Variants in PPP1R21 observed in about 807,000 individuals in gnomAD.
PPP1R21 encodes protein phosphatase 1 regulatory subunit 21, also known as KLRAQ motif containing 1.
PPP1R21 carries 85 observed loss-of-function variants against 112.8 expected under a neutral mutation model. The observed-to-expected ratio is 0.75, with a 90% confidence interval of 0.63 to 0.90. The LOEUF (loss-of-function observed/expected upper bound fraction) is 0.90. PPP1R21 is among the 40% of genes least tolerant of loss of function. The pLI is 0.00. For missense variants in PPP1R21, 1,199 were observed against 901.5 expected (o/e 1.33, Z -4.23); for synonymous variants, 381 against 322.3 (o/e 1.18, Z -1.95).
At chr2:48,471,574 A>G (rs2103851599) in intron 11 of PPP1R21, 1 of 516,768 alleles carries the variant, frequency 1.9e-6, no homozygotes, top group Non-Finnish European at 3.4e-6. Flanking sequence ...TGTCAGTTAC[A>G]GATTTTCAGT....
intron 14 of PPP1R21, 136 bp downstream of exon 14, chr2:48,486,894 C>A: frequency 1.1e-6 from 1 of 874,006 alleles, no homozygotes; most frequent in East Asian, 2.6e-5. Flanking sequence ...TCTCTCTTTC[C>A]TCTGCTTCCT....
Position 48,441,027 on chromosome 2 carries a change from G to C in PPP1R21, c.57+17G>C. 6.4e-7 allele frequency: 1 copy of C among 1,573,832 alleles called. No homozygotes were observed. The highest frequency in any genetic ancestry group is 1.7e-4 in the Middle Eastern group (1 of 5,972). ...TACTCGAAGGTACCCATCGTGGTCT[G>C]GGAGTAGGGGGTCCCCCGCCCTGCG... On this transcript the variant is annotated intron_variant, in intron 1 of 21. Transcript: ENST00000294952.
In PPP1R21 at chr2:48,514,859, A is replaced by C; in HGVS notation, c.*115A>C. ...CTTCAGGAAGCTAAAGTATTGTTGG[A>C]CCTAGTAAACTAGTCAGTGTTGGAA... On this transcript the variant is annotated 3_prime_UTR_variant, in exon 22 of 22. Transcript: ENST00000294952. 8 of 953,392 alleles carry C rather than the reference A, an allele frequency of 8.4e-6. No individual in the cohort carries two copies. The highest frequency in any genetic ancestry group is 1.1e-5 in the Non-Finnish European group (7 of 609,006). The allele number at this position is 953,392 out of a possible 1,614,324, so 59.1% of individuals were successfully genotyped here. A position where few individuals can be genotyped will look rare whatever the true frequency, so the allele number is the denominator to read the frequency against.
intron 13 of PPP1R21, among the ~76,000 whole-genome samples, chr2:48,483,324 G>A (rs1669120230): frequency 6.8e-6 from 1 of 146,762 alleles, no homozygotes; most frequent in African/African-American, 2.5e-5. Flanking sequence ...TGGGACTACA[G>A]GTGTGCGTCA....
chr2:48,441,222 G>A, intron 1 of PPP1R21: 1 of 596,502 alleles, frequency 1.7e-6, no homozygotes, highest in South Asian at 2.0e-5. Context: ...GAGCGTTTTT[G>A]CAGGGAGAAG....
chr2:48,507,647 G>C (rs1325071461), intron 19 of PPP1R21, among the ~76,000 whole-genome samples: 1 of 149,732 alleles, frequency 6.7e-6, no homozygotes, highest in South Asian at 2.1e-4. Context: ...GATTACAGGT[G>C]TGAGCCACCT....
Position 48,440,795 on chromosome 2 carries a change from G to A in PPP1R21, c.-159G>A. 1.6e-6 allele frequency: 1 copy of A among 634,130 alleles called. No homozygotes were observed. Among genetic ancestry groups the A allele is most frequent in the Non-Finnish European group, 2.8e-6 (1 of 355,730 alleles). The allele number at this position is 634,130 out of a possible 1,614,324, so 39.3% of individuals were successfully genotyped here. A position where few individuals can be genotyped will look rare whatever the true frequency, so the allele number is the denominator to read the frequency against. On this transcript the variant is annotated 5_prime_UTR_variant, in exon 1 of 22. Coordinates refer to ENST00000294952, the MANE Select transcript of PPP1R21 (RefSeq NM_001135629.3). The stretch of plus-strand genomic sequence containing the variant: ...CACCTTCCTCCCACCCCGGGAACCC[G>A]GAAGTGGAGGAGGAGGCGCGGCGGC...
intron 1 of PPP1R21, 92 bp from the exon 2 acceptor site, chr2:48,450,916 C>T: frequency 2.1e-6 from 2 of 972,120 alleles, no homozygotes; most frequent in South Asian, 1.4e-5. Context: ...CTTAGTTACT[C>T]AGTGTAATGA....
chr2:48,464,722 GT>G (rs894138698), intron 7 of PPP1R21, among the ~76,000 whole-genome samples: 2 of 151,778 alleles, frequency 1.3e-5, no homozygotes, highest in Non-Finnish European at 2.9e-5. Context: ...ATTTGTTTGG[GT>G]TTTTTTTAAG....
At chr2:48,441,282 A>G in intron 1 of PPP1R21, 1 of 525,954 alleles carries the variant, frequency 1.9e-6, no homozygotes, top group Non-Finnish European at 3.5e-6. Flanking sequence ...TGGGACTGGG[A>G]TGTCAGAAAT....
intron 17 of PPP1R21, among the ~76,000 whole-genome samples, chr2:48,504,772 C>T (rs888083070): frequency 2.0e-5 from 3 of 152,162 alleles, no homozygotes; most frequent in African/African-American, 2.4e-5. Flanking sequence ...GAACAATAAC[C>T]AGAATTCAGA....
chr2:48,455,980 G>A (rs576669789), intron 3 of PPP1R21, among the ~76,000 whole-genome samples: 2 of 145,294 alleles, frequency 1.4e-5, no homozygotes, highest in African/African-American at 2.6e-5. Context: ...AGGCCACTGC[G>A]CTCCGACCTG....
intron 15 of PPP1R21, among the ~76,000 whole-genome samples, chr2:48,494,051 G>A (rs1327367627): frequency 1.9e-5 from 2 of 103,136 alleles, no homozygotes; most frequent in Admixed American, 1.2e-4. Context: ...GGGAGACCTC[G>A]TCTCTCCAAA....
rs954544105 is a variant in PPP1R21, at chr2:48,498,363, G to T, written c.1693-130G>T. The T allele has an allele frequency of 1.0e-5, 8 of 800,240 alleles. No homozygotes were observed. In the African/African-American group the frequency reaches 1.4e-4, roughly 14 times the overall value. The allele number at this position is 800,240 out of a possible 1,614,324, so 49.6% of individuals were successfully genotyped here. A position where few individuals can be genotyped will look rare whatever the true frequency, so the allele number is the denominator to read the frequency against. On this transcript the variant is annotated intron_variant, in intron 16 of 21. Transcript: ENST00000294952. Reference sequence around the variant, plus strand: ...GTCTAATAAATCTCTTCCTATTCGAGGGTCAAACTTTATTATTATATTTTT... The same window carrying T: ...GTCTAATAAATCTCTTCCTATTCGATGGTCAAACTTTATTATTATATTTTT...
chr2:48,446,489 G>A (rs970381076), intron 1 of PPP1R21, among the ~76,000 whole-genome samples: 1 of 152,024 alleles, frequency 6.6e-6, no homozygotes, highest in Non-Finnish European at 1.5e-5. Flanking sequence ...CAAATTATTT[G>A]GAGAGTCTTA....
chr2:48,482,118 T>C (rs1379370904), intron 13 of PPP1R21, among the ~76,000 whole-genome samples: 1 of 152,196 alleles, frequency 6.6e-6, no homozygotes, highest in Admixed American at 6.5e-5. Context: ...TCTTAATCTA[T>C]TGGTTGATAG....
At chr2:48,507,833 T>G (rs1234893317) in intron 19 of PPP1R21, among the ~76,000 whole-genome samples, 2 of 136,594 alleles carry the variant, frequency 1.5e-5, no homozygotes, top group Non-Finnish European at 3.1e-5. Context: ...TGGCACGGTC[T>G]TGGCTCAGTA....
chr2:48,442,973 T>C (rs1667098776), intron 1 of PPP1R21, among the ~76,000 whole-genome samples: 1 of 151,848 alleles, frequency 6.6e-6, no homozygotes, highest in Non-Finnish European at 1.5e-5. Flanking sequence ...TAGGGAAAGA[T>C]TGGTGGGAAA....
intron 13 of PPP1R21, among the ~76,000 whole-genome samples, chr2:48,483,880 G>T (rs1410483390): frequency 6.6e-6 from 1 of 151,784 alleles, no homozygotes; most frequent in Non-Finnish European, 1.5e-5. Context: ...TAGAGGTGGG[G>T]TCCTTCTATA....
Sources: gnomAD v4.1 joint callset for allele counts (sites outside exome capture counted in the v4.1 genomes callset) on GRCh38, gnomAD v4.1.1 for gene constraint, MANE v1.5 for transcripts, NCBI Gene and HGNC (gene_info 2026-07-23, HGNC 2026-07-21) for gene names.